Variants in ADAMTS17 observed in about 807,000 individuals in gnomAD.
The protein encoded by ADAMTS17 is ADAM metallopeptidase with thrombospondin type 1 motif 17.
A neutral mutation model predicts 141.5 loss-of-function variants in ADAMTS17; 113 were observed. The ratio of observed to expected loss-of-function variants is 0.80; its 90% CI spans 0.69 to 0.93. The LOEUF is 0.93. Among genes scored for constraint, ADAMTS17 ranks in the 40% least tolerant of loss-of-function variants. The pLI is 0.00. For synonymous variants in ADAMTS17, 768 were observed against 630.6 expected (o/e 1.22, Z -3.27); for missense variants, 1,659 against 1,517.9 (o/e 1.09, Z -1.54).
chr15:100,068,911 G>A (rs1383313931), intron 15 of ADAMTS17, among the ~76,000 whole-genome samples: 3 of 152,208 alleles, frequency 2.0e-5, no homozygotes, highest in Non-Finnish European at 4.4e-5. Context: ...ATGATAAGCT[G>A]AGAGAAGAAG....
chr15:100,338,602 T>A (rs2587802), intron 2 of ADAMTS17, among the ~76,000 whole-genome samples: 131,457 of 152,088 alleles, frequency 0.86, 57,386 homozygotes, highest in Non-Finnish European at 0.93. Flanking sequence ...ACTATTTATT[T>A]TCTGGTCCTT....
intron 3 of ADAMTS17, among the ~76,000 whole-genome samples, chr15:100,317,200 G>C (rs981787735): frequency 6.6e-6 from 1 of 152,116 alleles, no homozygotes; most frequent in African/African-American, 2.4e-5. Flanking sequence ...GAGGGACTTG[G>C]ATAAAGACAT....
chr15:100,090,400 C>T (rs371897422), intron 15 of ADAMTS17, among the ~76,000 whole-genome samples: 14 of 152,148 alleles, frequency 9.2e-5, no homozygotes, highest in Non-Finnish European at 1.8e-4. Context: ...TTGGGATCAC[C>T]GATCTGCAGA....
At chr15:99,992,933 C>T in intron 20 of ADAMTS17, 115 bp downstream of exon 20, 2 of 1,330,542 alleles carry the variant, frequency 1.5e-6, no homozygotes, top group Non-Finnish European at 1.1e-6. Context: ...AATGAATTTG[C>T]CTAGTTACGC....
chr15:100,065,260 A>C (rs1315396235), intron 15 of ADAMTS17, among the ~76,000 whole-genome samples: 1 of 152,196 alleles, frequency 6.6e-6, no homozygotes, highest in Non-Finnish European at 1.5e-5. Flanking sequence ...TTATGTGAAA[A>C]GAATATTATA....
chr15:99,976,059 G>GTGA lies in ADAMTS17; in HGVS notation c.3110_3112dup (p.Ile1037dup), dbSNP rs1567629101. On this transcript the variant is annotated inframe_insertion, in exon 21 of 22. Transcript: ENST00000268070. Reference sequence around the variant, plus strand: ...AAGACACTCACCAAGGCGGGGGGAGGTGATGGTGTTGGCGTTGATCCTGTC... The same window carrying GTGA: ...AAGACACTCACCAAGGCGGGGGGAGGTGATGATGGTGTTGGCGTTGATCCTGTC... 1 of 1,551,066 alleles carries GTGA rather than the reference G, an allele frequency of 6.4e-7. No homozygotes were observed.
chr15:99,989,086 C>G (rs1442507343), intron 20 of ADAMTS17, among the ~76,000 whole-genome samples: 1 of 152,204 alleles, frequency 6.6e-6, no homozygotes, highest in Non-Finnish European at 1.5e-5. Context: ...TCCCTTCTTG[C>G]TTGGTTTCCA....
At chr15:100,117,167 A>C (rs1379501150) in intron 12 of ADAMTS17, among the ~76,000 whole-genome samples, 154 bp from the exon 13 acceptor site, 1 of 152,180 alleles carries the variant, frequency 6.6e-6, no homozygotes, top group Non-Finnish European at 1.5e-5. Context: ...AAATGCCCAC[A>C]ATCCCAGACC....
chr15:100,140,460 C>G (rs1046614015), intron 10 of ADAMTS17, among the ~76,000 whole-genome samples: 2 of 136,432 alleles, frequency 1.5e-5, no homozygotes, highest in Non-Finnish European at 3.1e-5. Flanking sequence ...AAGACACACA[C>G]ACACACACAG....
At chr15:100,262,611 G>A (rs936275045) in intron 4 of ADAMTS17, among the ~76,000 whole-genome samples, 176 bp from the exon 5 acceptor site, 1 of 152,002 alleles carries the variant, frequency 6.6e-6, no homozygotes, top group African/African-American at 2.4e-5. Context: ...TTAATTACAA[G>A]AAACATGCCA....
intron 13 of ADAMTS17, among the ~76,000 whole-genome samples, chr15:100,110,557 C>A (rs765076043): frequency 6.6e-6 from 1 of 152,166 alleles, no homozygotes; most frequent in South Asian, 2.1e-4. Context: ...AGCCACCGCG[C>A]CCCGCAAGAC....
At chr15:100,035,949 G>T (rs1041602116) in intron 18 of ADAMTS17, among the ~76,000 whole-genome samples, 1 of 152,142 alleles carries the variant, frequency 6.6e-6, no homozygotes, top group Non-Finnish European at 1.5e-5. Flanking sequence ...GAGACATAGG[G>T]GGTCCCGTCC....
chr15:100,293,424 G>A (rs961041788), intron 3 of ADAMTS17, among the ~76,000 whole-genome samples: 15 of 152,232 alleles, frequency 9.9e-5, no homozygotes, highest in African/African-American at 3.6e-4. Flanking sequence ...CTGTTACATA[G>A]AACGTGTGGA....
chr15:100,092,519 G>A (rs1435128880), intron 15 of ADAMTS17, among the ~76,000 whole-genome samples: 2 of 152,184 alleles, frequency 1.3e-5, no homozygotes, highest in African/African-American at 2.4e-5. Context: ...GAAATACGTT[G>A]TAATTGGTTT....
intron 7 of ADAMTS17, among the ~76,000 whole-genome samples, chr15:100,220,402 T>G (rs2042097560): frequency 6.6e-6 from 1 of 152,172 alleles, no homozygotes; most frequent in African/African-American, 2.4e-5. Context: ...GTGAAAATAT[T>G]CAAACACAGA....
At chr15:100,079,928 A>G (rs551244848) in intron 15 of ADAMTS17, among the ~76,000 whole-genome samples, 142 of 152,330 alleles carry the variant, frequency 9.3e-4, no homozygotes, top group South Asian at 3.7e-3. Context: ...GAGGCTGCAA[A>G]GAACGGTGGA....
intron 6 of ADAMTS17, chr15:100,256,723 G>C (rs1212899904): frequency 6.5e-6 from 1 of 152,696 alleles, no homozygotes; most frequent in Non-Finnish European, 1.5e-5. Flanking sequence ...GTGTCTCCCA[G>C]GCACTCTCAC....
chr15:100,059,020 G>A (rs1433905716), intron 15 of ADAMTS17, among the ~76,000 whole-genome samples: 1 of 152,206 alleles, frequency 6.6e-6, no homozygotes, highest in Non-Finnish European at 1.5e-5. Context: ...CACCATGACA[G>A]ATTTTGCTAT....
rs2039734619 is a variant in ADAMTS17, at chr15:100,162,393, T to TAC, written c.1182-7074_1182-7073insGT. Reference sequence around the variant, plus strand: ...TATATATATGTTATATATATAACTATCTATATGTGTATATATGTGTATATA... The same window carrying TAC: ...TATATATATGTTATATATATAACTATACCTATATGTGTATATATGTGTATATA... On this transcript the variant is annotated intron_variant, in intron 8 of 21. Transcript: ENST00000268070. Among the ~76,000 whole-genome samples the TAC allele has an allele frequency of 6.1e-5, 9 of 147,196 alleles. No homozygotes were observed. The Admixed American group carries it at 6.2e-4, about 10-fold the overall frequency.
Sources: allele counts gnomAD v4.1 joint callset (sites outside exome capture counted in the v4.1 genomes callset), GRCh38; gene constraint gnomAD v4.1.1; transcripts MANE v1.5; gene names NCBI Gene and HGNC (gene_info 2026-07-23, HGNC 2026-07-21).